LMNB2: variants seen among roughly 807,000 people sequenced by gnomAD.
LMNB2 encodes the protein lamin B2, also known as lamin-B2.
A neutral mutation model predicts 69.3 loss-of-function variants in LMNB2; 17 were observed. The ratio of observed to expected loss-of-function variants is 0.25; its 90% confidence interval spans 0.17 to 0.37. The LOEUF (loss-of-function observed/expected upper bound fraction) is 0.37, where lower values mean the gene tolerates loss of function less well. LMNB2 is among the 10% of genes least tolerant of loss of function. The pLI, the probability that LMNB2 is intolerant of heterozygous loss-of-function variation, is 1.00. For synonymous variants in LMNB2, 397 were observed against 389.3 expected, an observed-to-expected ratio of 1.02 and a Z score of -0.23; for missense variants, 789 against 883.6, an observed-to-expected ratio of 0.89 and a Z score of 1.36.
In LMNB2 at chr19:2,447,746, G is replaced by T. The variant is rs542008600; in HGVS notation, c.265-3206C>A. Among the ~76,000 whole-genome samples, 1 of 152,136 alleles carries T rather than the reference G, an allele frequency of 6.6e-6. No individual in the cohort carries two copies. The highest frequency in any genetic ancestry group is 2.4e-5 in the African/African-American group (1 of 41,432). ...GGAGGGCCACACCCCCATGTTACAG[G>T]CGAGGCTCCTGTGCAGAGGGCTGGG... On this transcript the variant is annotated intron_variant, in intron 1 of 11. Coordinates refer to ENST00000325327, the MANE Select transcript of LMNB2 (RefSeq NM_032737.4). This position sits in a 1 kb window ranked among gnomAD's most constrained non-coding sequence, Gnocchi z 4.4.
chr19:2,448,564 C>A (rs1341983748), intron 1 of LMNB2, among the ~76,000 whole-genome samples: 1 of 152,220 alleles, frequency 6.6e-6, no homozygotes, highest in Admixed American at 6.5e-5. Context: ...GACTCTAATG[C>A]AAACCTGGCA....
intron 2 of LMNB2, among the ~76,000 whole-genome samples, chr19:2,440,936 G>A (rs1971893058): frequency 6.6e-6 from 1 of 152,164 alleles, no homozygotes; most frequent in Non-Finnish European, 1.5e-5. Flanking sequence ...CGGGGAGGGA[G>A]GGCTGCCTTC....
chr19:2,449,378 T>A (rs1298735767), intron 1 of LMNB2, among the ~76,000 whole-genome samples: 1 of 152,190 alleles, frequency 6.6e-6, no homozygotes, highest in South Asian at 2.1e-4. Context: ...AAGGGGCACG[T>A]CTCCTAACGA....
intron 2 of LMNB2, among the ~76,000 whole-genome samples, chr19:2,441,653 C>A (rs1971901887): frequency 1.3e-5 from 2 of 152,336 alleles, no homozygotes; most frequent in Admixed American, 1.3e-4. Flanking sequence ...GCATCTAGAA[C>A]CCTTGCCTTA....
chr19:2,452,498 C>T (rs562892273), intron 1 of LMNB2, among the ~76,000 whole-genome samples: 4 of 150,600 alleles, frequency 2.7e-5, no homozygotes, highest in South Asian at 2.1e-4. Flanking sequence ...AAAGCTGAGG[C>T]GGGCAGATCA....
At chr19:2,435,817 CAA>C (rs56781086) in intron 4 of LMNB2, among the ~76,000 whole-genome samples, 3 of 132,388 alleles carry the variant, frequency 2.3e-5, no homozygotes, top group African/African-American at 5.6e-5. Context: ...GACTGCGTCT[CAA>C]AAAAAAAAAA....
chr19:2,447,974 G>T lies in LMNB2; in HGVS notation c.265-3434C>A, dbSNP rs912517066. Reference sequence around the variant, plus strand: ...TTATGTATGGGAAAACTGAGGCACGGGTCAGTAAAAAGCCGCCTCCTGACC... The same window carrying T: ...TTATGTATGGGAAAACTGAGGCACGTGTCAGTAAAAAGCCGCCTCCTGACC... On this transcript the variant is annotated intron_variant, in intron 1 of 11. Transcript: ENST00000325327. This position sits in a 1 kb window ranked among gnomAD's most constrained non-coding sequence, Gnocchi z 4.4. 2.6e-5 allele frequency among the ~76,000 whole-genome samples: 4 copies of T among 152,178 alleles called. No individual in the cohort carries two copies. Among genetic ancestry groups the T allele is most frequent in the Admixed American group, 2.6e-4 (4 of 15,276 alleles).
At chr19:2,436,738 C>G (rs1159542938) in intron 4 of LMNB2, 2 of 156,094 alleles carry the variant, frequency 1.3e-5, no homozygotes, top group Non-Finnish European at 2.8e-5. Flanking sequence ...CCACCACAGC[C>G]GCGCACCCAC....
chr19:2,454,035 G>A (rs537445814), intron 1 of LMNB2, among the ~76,000 whole-genome samples: 2 of 152,232 alleles, frequency 1.3e-5, no homozygotes, highest in African/African-American at 4.8e-5. Flanking sequence ...GCTCACACCT[G>A]TAATCCCAGT....
chr19:2,435,312 C>G, intron 4 of LMNB2, 141 bp from the exon 5 acceptor site: 2 of 1,234,114 alleles, frequency 1.6e-6, no homozygotes, highest in Non-Finnish European at 2.2e-6. Context: ...GATACACGTG[C>G]AGGTGAGAGG....
intron 1 of LMNB2, among the ~76,000 whole-genome samples, chr19:2,449,486 A>C (rs1429525723): frequency 6.6e-6 from 1 of 152,246 alleles, no homozygotes. Flanking sequence ...TTTTTAAAAG[A>C]TAATCCATTA....
rs900598407 is a variant in LMNB2 at position 2,434,689 on chromosome 19, T to C, written c.981+99A>G. Reference sequence around the variant, plus strand: ...ATCGCTGGGCGCCCCGAGGGCTGCATCCGATGCCAAGAGGCCAGAGCCCCA... The same window carrying C: ...ATCGCTGGGCGCCCCGAGGGCTGCACCCGATGCCAAGAGGCCAGAGCCCCA... On this transcript the variant is annotated intron_variant, in intron 6 of 11. Transcript: ENST00000325327. 29 of 1,519,252 alleles carry C rather than the reference T, an allele frequency of 1.9e-5. 1 individual carries two copies. The highest frequency in any genetic ancestry group is 2.2e-4 in the Middle Eastern group (1 of 4,464). 94.1% of individuals were successfully genotyped at this position (1,519,252 alleles called of 1,614,324 possible).
At chr19:2,432,720 G>C (rs950299945) in intron 8 of LMNB2, among the ~76,000 whole-genome samples, 197 bp from the exon 9 acceptor site, 33 of 148,618 alleles carry the variant, frequency 2.2e-4, no homozygotes, top group African/African-American at 8.0e-4. Flanking sequence ...CCCTGACCCT[G>C]GTCACCCCCA....
intron 9 of LMNB2, among the ~76,000 whole-genome samples, chr19:2,432,197 G>A (rs1971748961): frequency 6.6e-6 from 1 of 152,254 alleles, no homozygotes; most frequent in Middle Eastern, 3.4e-3. Flanking sequence ...AGCCCCAGCA[G>A]CCTGGACTCA....
chr19:2,430,975 G>A (rs1300259007), intron 11 of LMNB2, 23 bp from the exon 12 acceptor site: 2 of 1,401,322 alleles, frequency 1.4e-6, no homozygotes, highest in East Asian at 2.3e-5. Flanking sequence ...AGGAAGGAAG[G>A]TCGGCCATGA....
rs1321664351 is a variant in LMNB2 at position 2,456,838 on chromosome 19, G to C, written c.96C>G (p.Pro32=). Residue 32 remains proline (P), a synonymous_variant, in exon 1 of 12, where the codon CCC becomes CCG. Coordinates refer to ENST00000325327, the MANE Select transcript of LMNB2 (RefSeq NM_032737.4). ...GGCGCGTGGGCGACAGCGGCGTGGC[G>C]GGCCCGCCCGCGCGGCCGGGCAGCG... ...ATPLPGRAGG[P]ATPLSPTRLS... 1.5e-6 allele frequency: 2 copies of C among 1,339,078 alleles called. No individual in the cohort carries two copies. Among genetic ancestry groups the C allele is most frequent in the South Asian group, 1.8e-5 (1 of 55,998 alleles). 82.9% of individuals were successfully genotyped at this position (1,339,078 alleles called of 1,614,324 possible).
At chr19:2,432,570 C>G (rs1971755346) in intron 8 of LMNB2, 47 bp from the exon 9 acceptor site, 6 of 1,487,180 alleles carry the variant, frequency 4.0e-6, no homozygotes, top group Non-Finnish European at 5.6e-6. Flanking sequence ...AGGACTGTGA[C>G]ACCGCCCCCA....
chr19:2,453,084 C>T lies in LMNB2; in HGVS notation c.264+3586G>A, dbSNP rs1048597733. Among the ~76,000 whole-genome samples the T allele has an allele frequency of 1.6e-4, 24 of 150,972 alleles. No homozygotes were observed. The highest frequency in any genetic ancestry group is 3.1e-4 in the Non-Finnish European group (21 of 67,784). ...CATCCTCATGGGGCTGGGTCATCCTCGTGAGGGCTGCGTCATCCTCGTGGG... is the reference window on the plus strand; with the variant it reads ...CATCCTCATGGGGCTGGGTCATCCTTGTGAGGGCTGCGTCATCCTCGTGGG... On this transcript the variant is annotated intron_variant, in intron 1 of 11. Transcript: ENST00000325327. The surrounding 1 kb of genome is among the most constrained non-coding windows in gnomAD (Gnocchi z 4.4).
At chr19:2,434,547 C>T in intron 6 of LMNB2, 32 bp from the exon 7 acceptor site, 1 of 1,602,732 alleles carries the variant, frequency 6.2e-7, no homozygotes, top group East Asian at 2.2e-5. Flanking sequence ...AAGGTCAGGG[C>T]AGCCCATGGG....
Sources: gnomAD v4.1 joint callset for allele counts (sites outside exome capture counted in the v4.1 genomes callset) on GRCh38, gnomAD v4.1.1 for gene constraint, Gnocchi (gnomAD v3.1) non-coding constraint, MANE v1.5 for transcripts, NCBI Gene and HGNC (gene_info 2026-07-23, HGNC 2026-07-21) for gene names.